WWOX: variants seen among roughly 807,000 people sequenced by gnomAD.
The protein encoded by WWOX is WW domain-containing oxidoreductase.
In WWOX, 69 loss-of-function variants were observed where a neutral mutation model predicts 46.2. The observed-to-expected ratio is 1.49, with a 90% CI of 1.23 to 1.82. WWOX has a LOEUF of 1.82. WWOX is among the 40% of genes most tolerant of loss of function. The probability of loss-of-function intolerance (pLI) is 0.00; values close to 1 mark genes in which losing one functional copy is unlikely to be tolerated. For synonymous variants in WWOX, 359 were observed against 202.6 expected, an observed-to-expected ratio of 1.77 and a Z score of -6.56; for missense variants, 919 against 542.6, an observed-to-expected ratio of 1.69 and a Z score of -6.89.
At chr16:78,817,125 C>T (rs1477696512) in intron 8 of WWOX, among the ~76,000 whole-genome samples, 2 of 136,830 alleles carry the variant, frequency 1.5e-5, no homozygotes, top group African/African-American at 5.5e-5. Flanking sequence ...TGAAAAGTTG[C>T]TTAAACATTT....
chr16:78,566,866 T>A (rs1398153174), intron 8 of WWOX, among the ~76,000 whole-genome samples: 1 of 151,992 alleles, frequency 6.6e-6, no homozygotes, highest in Non-Finnish European at 1.5e-5. Flanking sequence ...CAGTTCAGAG[T>A]TGAAAGAATT....
chr16:78,970,864 A>T (rs1472773496), intron 8 of WWOX, among the ~76,000 whole-genome samples: 1 of 152,034 alleles, frequency 6.6e-6, no homozygotes, highest in Non-Finnish European at 1.5e-5. Flanking sequence ...GCACGGCTGG[A>T]TCCAGGGGCT....
chr16:78,127,628 G>A (rs900001344), intron 4 of WWOX, among the ~76,000 whole-genome samples: 2 of 151,388 alleles, frequency 1.3e-5, no homozygotes, highest in African/African-American at 4.9e-5. Context: ...CTTTAAAACC[G>A]TTATACCATG....
At chr16:78,975,573 G>A (rs985739679) in intron 8 of WWOX, among the ~76,000 whole-genome samples, 15 of 151,664 alleles carry the variant, frequency 9.9e-5, no homozygotes, top group Admixed American at 4.6e-4. Flanking sequence ...GCCTGTTCAT[G>A]TACCATATAC....
chr16:79,004,668 G>T (rs1230029856), intron 8 of WWOX: 1 of 152,236 alleles, frequency 6.6e-6, no homozygotes, highest in Admixed American at 6.5e-5. Flanking sequence ...ATACTGGTGC[G>T]AAGTGATGCC....
In WWOX at chr16:78,569,894, A is replaced by G. The variant is rs551946990; in HGVS notation, c.1056+137142A>G. On this transcript the variant is annotated intron_variant, in intron 8 of 8. Coordinates refer to ENST00000566780, the MANE Select transcript of WWOX (RefSeq NM_016373.4). Reference sequence around the variant, plus strand: ...TTCTAGCTCATCATCTTCCTTGATCATAAATACCCATCGGTACCTCTTGTC... The same window carrying G: ...TTCTAGCTCATCATCTTCCTTGATCGTAAATACCCATCGGTACCTCTTGTC... 4.6e-5 allele frequency among the ~76,000 whole-genome samples: 7 copies of G among 152,336 alleles called. No homozygotes were observed. In the South Asian group the frequency reaches 1.0e-3, roughly 23 times the overall value.
At chr16:78,557,870 A>C (rs2151553155) in intron 8 of WWOX, among the ~76,000 whole-genome samples, 1 of 151,602 alleles carries the variant, frequency 6.6e-6, no homozygotes, top group Non-Finnish European at 1.5e-5. Context: ...TAATTTTTGT[A>C]TTTTTTAGTA....
intron 8 of WWOX, among the ~76,000 whole-genome samples, chr16:78,997,858 C>T (rs1417214123): frequency 6.6e-6 from 1 of 152,086 alleles, no homozygotes; most frequent in Non-Finnish European, 1.5e-5. Context: ...GTTTTGCAGC[C>T]TAATGTTTAG....
chr16:79,150,548 T>C (rs1179034278), intron 8 of WWOX, among the ~76,000 whole-genome samples: 1 of 152,210 alleles, frequency 6.6e-6, no homozygotes, highest in Non-Finnish European at 1.5e-5. Flanking sequence ...GCAGCCATTA[T>C]TGACGTCCAG....
chr16:78,813,622 G>A (rs1174574273), intron 8 of WWOX, among the ~76,000 whole-genome samples: 1 of 152,036 alleles, frequency 6.6e-6, no homozygotes, highest in South Asian at 2.1e-4. Flanking sequence ...TGTTCATCAC[G>A]TATCCATTGT....
intron 8 of WWOX, among the ~76,000 whole-genome samples, chr16:78,739,700 AC>A (rs2142411399): frequency 6.6e-6 from 1 of 152,246 alleles, no homozygotes; most frequent in African/African-American, 2.4e-5. Flanking sequence ...AATCCCAGCT[AC>A]TGCAGAGGCT....
At chr16:78,828,990 G>A (rs1364858207) in intron 8 of WWOX, among the ~76,000 whole-genome samples, 1 of 152,172 alleles carries the variant, frequency 6.6e-6, no homozygotes, top group Non-Finnish European at 1.5e-5. Flanking sequence ...GCAAAGCTAG[G>A]ATTTAAACCC....
At chr16:78,508,027 T>TGTGTGTGTGA (rs1567612752) in intron 8 of WWOX, among the ~76,000 whole-genome samples, 2 of 150,878 alleles carry the variant, frequency 1.3e-5, no homozygotes, top group African/African-American at 4.9e-5. Flanking sequence ...TGTGTGTGTG[T>TGTGTGTGTGA]GACGGAGTCT....
chr16:78,934,389 G>A (rs1006683721), intron 8 of WWOX, among the ~76,000 whole-genome samples: 4 of 147,818 alleles, frequency 2.7e-5, no homozygotes, highest in African/African-American at 1.0e-4. Flanking sequence ...CATACCTGTA[G>A]TCCTAGCTAC....
chr16:78,284,627 T>TGA (rs2079737469), intron 5 of WWOX, among the ~76,000 whole-genome samples: 1 of 152,188 alleles, frequency 6.6e-6, no homozygotes, highest in Non-Finnish European at 1.5e-5. Flanking sequence ...TTCTACAAAA[T>TGA]CAATCAACAA....
chr16:78,718,095 G>GTTTTTTTATTTTTTTTTTATTTTTTTT (rs2048610447), intron 8 of WWOX, among the ~76,000 whole-genome samples: 1 of 145,764 alleles, frequency 6.9e-6, no homozygotes, highest in African/African-American at 2.6e-5. Flanking sequence ...TCTGGTGGTT[G>GTTTTTTTATTTTTTTTTTATTTTTTTT]TATTTTTGCC....
chr16:78,410,597 G>A (rs935544738), intron 6 of WWOX, among the ~76,000 whole-genome samples: 10 of 151,820 alleles, frequency 6.6e-5, no homozygotes, highest in African/African-American at 2.4e-4. Flanking sequence ...ACCATTTGAG[G>A]TTAGGAGTTT....
intron 8 of WWOX, among the ~76,000 whole-genome samples, chr16:78,595,012 C>G (rs1051328137): frequency 8.5e-5 from 13 of 152,108 alleles, no homozygotes; most frequent in Non-Finnish European, 1.0e-4. Context: ...GGGACATGGC[C>G]CAGGGAACCA....
intron 8 of WWOX, among the ~76,000 whole-genome samples, chr16:78,852,196 G>C (rs1167279283): frequency 6.6e-6 from 1 of 152,184 alleles, no homozygotes; most frequent in African/African-American, 2.4e-5. Context: ...TTCTGTGGTA[G>C]CCAGAGGTCA....
Sources: allele counts gnomAD v4.1 joint callset (sites outside exome capture counted in the v4.1 genomes callset), GRCh38; gene constraint gnomAD v4.1.1; transcripts MANE v1.5; gene names NCBI Gene and HGNC (gene_info 2026-07-23, HGNC 2026-07-21).